Variants in MATN3 observed in about 807,000 individuals in gnomAD.
MATN3 encodes matrilin-3.
Under a neutral mutation model 45.3 loss-of-function variants are expected in MATN3, and 48 were observed. The ratio of observed to expected loss-of-function variants is 1.06; its 90% CI spans 0.84 to 1.35. The LOEUF (loss-of-function observed/expected upper bound fraction) is 1.35. MATN3 is among the 40% of genes most tolerant of loss of function. The pLI is 0.00. For synonymous variants in MATN3, 217 were observed against 245.9 expected (o/e 0.88, Z 1.10); for missense variants, 599 against 628.0 (o/e 0.95, Z 0.49).
chr2:20,003,115 G>T (rs772626324), intron 3 of MATN3, 46 bp downstream of exon 3: 3 of 1,608,338 alleles, frequency 1.9e-6, no homozygotes, highest in Non-Finnish European at 2.6e-6. Context: ...TGGAGCATAG[G>T]TTCCCAAGTA....
At position 19,995,314 on chromosome 2, in the gene MATN3, G is replaced by A. The variant is rs184186913; in HGVS notation, c.1295-905C>T. On this transcript the variant is annotated intron_variant, in intron 6 of 7. Coordinates refer to ENST00000407540, the MANE Select transcript of MATN3 (RefSeq NM_002381.5). This position sits in a 1 kb window ranked among gnomAD's most constrained non-coding sequence, Gnocchi z 4.2. ...ATAAAGACACAAAAATTAGCTGGGC[G>A]TGGTGGCCCATGCCTGTAATCCCAG... is the stretch of plus-strand genomic sequence containing the variant. Among the ~76,000 whole-genome samples, 262 of 151,748 alleles carry A rather than the reference G, an allele frequency of 1.7e-3. 1 individual carries two copies. The highest frequency in any genetic ancestry group is 5.9e-3 in the African/African-American group (245 of 41,344).
chr2:19,999,109 T>G (rs1428479760), intron 5 of MATN3: 1 of 152,002 alleles, frequency 6.6e-6, no homozygotes, highest in Non-Finnish European at 1.5e-5. Flanking sequence ...CTGAAAATTT[T>G]CTTTGATTTA....
chr2:19,992,469 A>G lies in MATN3; in HGVS notation c.*642T>C, dbSNP rs923806113. The G allele has an allele frequency of 6.6e-6, 1 of 152,186 alleles. No individual in the cohort carries two copies. The highest frequency in any genetic ancestry group is 2.4e-5 in the African/African-American group (1 of 41,454). 9.4% of individuals were successfully genotyped at this position (152,186 alleles called of 1,614,324 possible). A position where few individuals can be genotyped will look rare whatever the true frequency, so the allele number is the denominator to read the frequency against. Reference sequence around the variant, plus strand: ...AGTTTAACACCCTAAATTCACAACTAGTGCTCTTTAGTAGTACATTTCTTT... The same window carrying G: ...AGTTTAACACCCTAAATTCACAACTGGTGCTCTTTAGTAGTACATTTCTTT... On this transcript the variant is annotated 3_prime_UTR_variant, in exon 8 of 8. Coordinates refer to ENST00000407540, the MANE Select transcript of MATN3 (RefSeq NM_002381.5).
At chr2:20,011,544 A>G (rs1369523252) in intron 1 of MATN3, among the ~76,000 whole-genome samples, 1 of 152,252 alleles carries the variant, frequency 6.6e-6, no homozygotes, top group Non-Finnish European at 1.5e-5. Flanking sequence ...GTGGCTGGCC[A>G]AATGAGACTG....
intron 5 of MATN3, 140 bp from the exon 6 acceptor site, chr2:19,997,399 G>A: frequency 1.3e-6 from 1 of 777,178 alleles, no homozygotes; most frequent in South Asian, 2.0e-5. Flanking sequence ...CAGGCCCCAT[G>A]CTGCAGGAGC....
At chr2:19,998,223 A>AT (rs148503762) in intron 5 of MATN3, among the ~76,000 whole-genome samples, 5,886 of 151,302 alleles carry the variant, frequency 0.039, 339 homozygotes, top group African/African-American at 0.13. Flanking sequence ...TACAATTTAG[A>AT]TTTTTTTTTC....
Position 20,012,141 on chromosome 2 carries a change from T to C in MATN3, c.223+268A>G, listed in dbSNP as rs2103486935. ...GCAGCAGCCGCTGGGCAGCAGCCCC[T>C]GCGCTCCCCAGCTGCCCTGTGCTCC... is the stretch of plus-strand genomic sequence containing the variant. On this transcript the variant is annotated intron_variant, in intron 1 of 7. Transcript: ENST00000407540. The surrounding 1 kb of genome is among the most constrained non-coding windows in gnomAD (Gnocchi z 4.3). Among the ~76,000 whole-genome samples the C allele has an allele frequency of 6.6e-6, 1 of 152,296 alleles. No homozygotes were observed. Among genetic ancestry groups the C allele is most frequent in the Non-Finnish European group, 1.5e-5 (1 of 67,996 alleles).
At position 20,005,950 on chromosome 2, in the gene MATN3, G is replaced by A. The variant is rs765225021; in HGVS notation, c.584C>T (p.Thr195Ile). Residue 195 changes from threonine (T) to isoleucine (I), a missense_variant, in exon 2 of 8, where the codon ACA becomes ATA. Transcript: ENST00000407540. ...SNIPKVAIIVTDGRPQDQVNE... is the reference protein window; with the variant it reads ...SNIPKVAIIVIDGRPQDQVNE... ...CACCTGGTCCTGGGGCCTCCCATCT[G>A]TAACAATGATGGCCACCTTAGGGAT... The A allele has an allele frequency of 6.2e-7, 1 of 1,613,922 alleles. No homozygotes were observed. Among genetic ancestry groups the A allele is most frequent in the East Asian group, 2.2e-5 (1 of 44,866 alleles).
At chr2:19,999,614 C>T (rs1672945354) in intron 5 of MATN3, among the ~76,000 whole-genome samples, 2 of 120,820 alleles carry the variant, frequency 1.7e-5, no homozygotes, top group African/African-American at 6.5e-5. Flanking sequence ...TATTTTTTTA[C>T]TGGTTTCCCT....
chr2:19,997,581 G>A (rs1040784129), intron 5 of MATN3: 2 of 175,782 alleles, frequency 1.1e-5, no homozygotes, highest in South Asian at 3.2e-4. Flanking sequence ...AGCCTTTCCC[G>A]ATGACTATCA....
intron 2 of MATN3, among the ~76,000 whole-genome samples, chr2:20,004,705 C>G (rs1200696394): frequency 1.3e-5 from 2 of 152,182 alleles, no homozygotes; most frequent in African/African-American, 4.8e-5. Context: ...GTTTGTCTCA[C>G]CCCCACCCCC....
intron 2 of MATN3, 27 bp downstream of exon 2, chr2:20,005,717 G>A (rs748649427): frequency 1.3e-6 from 2 of 1,507,880 alleles, no homozygotes; most frequent in Middle Eastern, 1.8e-4. Context: ...ATCCTTTCTA[G>A]TTGGAAGCAA....
At position 20,003,230 on chromosome 2, in the gene MATN3, C is replaced by T; in HGVS notation, c.847G>A (p.Gly283Arg). 1 of 1,613,976 alleles carries T rather than the reference C, an allele frequency of 6.2e-7. No individual in the cohort carries two copies. Reference sequence around the variant, plus strand: ...CACTCACAGTGGTGCTTGCCTTCCCCATCACTGATGCAGACGTGCTGGCAC... The same window carrying T: ...CACTCACAGTGGTGCTTGCCTTCCCTATCACTGATGCAGACGTGCTGGCAC... ...HQCQHVCISD[G>R]EGKHHCECSQ... Residue 283 changes from glycine to arginine, a missense_variant, in exon 3 of 8, where the codon GGG (glycine) becomes AGG (arginine). By Grantham distance (125) the Gly-to-Arg change is moderately radical. Transcript: ENST00000407540.
At position 20,002,035 on chromosome 2, in the gene MATN3, C is replaced by G. The variant is rs753326503; in HGVS notation, c.962G>C (p.Cys321Ser). 7.4e-6 allele frequency: 12 copies of G among 1,613,540 alleles called. No individual in the cohort carries two copies. Among genetic ancestry groups the G allele is most frequent in the Non-Finnish European group, 1.0e-5 (12 of 1,179,540 alleles). The part of the protein sequence containing the change: ...ALNTHGCEHI[C>S]VNDRSGSYHC... ...ATAAGAGCCACTTCTGTCATTCACACAGATGTGCTCACATCCGTGGGTGTT... is the reference window on the plus strand; with the variant it reads ...ATAAGAGCCACTTCTGTCATTCACAGAGATGTGCTCACATCCGTGGGTGTT... Residue 321 changes from cysteine to serine, a missense_variant, in exon 4 of 8, where the codon TGT becomes TCT. Cys to Ser is a moderately radical substitution (Grantham distance 112). Coordinates refer to ENST00000407540, the MANE Select transcript of MATN3 (RefSeq NM_002381.5).
chr2:20,006,839 C>G (rs1208354976), intron 1 of MATN3, among the ~76,000 whole-genome samples: 9 of 152,306 alleles, frequency 5.9e-5, no homozygotes, highest in Non-Finnish European at 8.8e-5. Context: ...GGGCTGAAAA[C>G]TGCTCCAGAG....
chr2:19,996,642 A>G (rs1287083536), intron 6 of MATN3, among the ~76,000 whole-genome samples: 1 of 152,160 alleles, frequency 6.6e-6, no homozygotes, highest in African/African-American at 2.4e-5. Flanking sequence ...ATCTGGGGGC[A>G]AATGTAGTAG....
intron 1 of MATN3, among the ~76,000 whole-genome samples, chr2:20,006,703 A>G (rs1248365934): frequency 6.7e-6 from 1 of 150,352 alleles, no homozygotes; most frequent in Non-Finnish European, 1.5e-5. Context: ...AACCATGTAA[A>G]AGGCCTTGGG....
At chr2:19,998,767 G>GAAAA (rs150173660) in intron 5 of MATN3, among the ~76,000 whole-genome samples, 2 of 120,086 alleles carry the variant, frequency 1.7e-5, no homozygotes, top group Non-Finnish European at 3.7e-5. Flanking sequence ...AAAAAGAGAA[G>GAAAA]AAAAAAAAAT....
intron 2 of MATN3, 86 bp downstream of exon 2, chr2:20,005,657 CA>C: frequency 1.8e-6 from 2 of 1,081,264 alleles, no homozygotes; most frequent in East Asian, 2.8e-5. Context: ...AAATTTCCAC[CA>C]AAAAAGAATA....
Sources: allele counts gnomAD v4.1 joint callset (sites outside exome capture counted in the v4.1 genomes callset), GRCh38; gene constraint gnomAD v4.1.1; non-coding constraint Gnocchi (gnomAD v3.1); transcripts MANE v1.5; gene names NCBI Gene and HGNC (gene_info 2026-07-23, HGNC 2026-07-21).